The following CPXM2 variants were observed in gnomAD, a reference collection of about 807,000 sequenced individuals.
CPXM2 encodes carboxypeptidase X, M14 family member 2, also known as inactive carboxypeptidase-like protein X2.
Under a neutral mutation model 86.1 loss-of-function variants are expected in CPXM2, and 66 were observed. That is an observed-to-expected ratio of 0.77 (90% confidence interval 0.63 to 0.94). The LOEUF (loss-of-function observed/expected upper bound fraction) is 0.94. Among genes scored for constraint, CPXM2 ranks in the 40% least tolerant of loss-of-function variants. The pLI is 0.00. For synonymous variants in CPXM2, 388 were observed against 400.2 expected, an observed-to-expected ratio of 0.97 and a Z score of 0.36; for missense variants, 948 against 1,026.3, an observed-to-expected ratio of 0.92 and a Z score of 1.04.
At chr10:123,880,693 G>A (rs967232487) in intron 1 of CPXM2, among the ~76,000 whole-genome samples, 3 of 151,748 alleles carry the variant, frequency 2.0e-5, no homozygotes, top group Non-Finnish European at 2.9e-5. Flanking sequence ...GCCAGGCATG[G>A]TGGCGGGCAC....
At chr10:123,863,356 G>A (rs565943589) in intron 2 of CPXM2, among the ~76,000 whole-genome samples, 14 of 152,322 alleles carry the variant, frequency 9.2e-5, no homozygotes, top group Admixed American at 8.5e-4. Context: ...GCGGAGGGGT[G>A]CACACAGTGA....
intron 6 of CPXM2, among the ~76,000 whole-genome samples, chr10:123,789,189 G>A (rs896378734): frequency 3.3e-5 from 5 of 152,172 alleles, no homozygotes; most frequent in East Asian, 1.9e-4. Flanking sequence ...GCAAGGCCAC[G>A]AGAGACCCAG....
chr10:123,830,823 CACA>C (rs1848149699), intron 4 of CPXM2, among the ~76,000 whole-genome samples: 1 of 151,790 alleles, frequency 6.6e-6, no homozygotes, highest in Admixed American at 6.6e-5. Flanking sequence ...CATGGGTGCA[CACA>C]ACACTTGAAA....
At chr10:123,760,801 T>TTCA (rs1010327203) in intron 11 of CPXM2, among the ~76,000 whole-genome samples, 6 of 152,132 alleles carry the variant, frequency 3.9e-5, no homozygotes, top group Admixed American at 3.9e-4. Context: ...CCTCCTCCTC[T>TTCA]TCATCATCAT....
chr10:123,813,743 G>A (rs1258592262), intron 4 of CPXM2, among the ~76,000 whole-genome samples: 1 of 152,188 alleles, frequency 6.6e-6, no homozygotes, highest in Non-Finnish European at 1.5e-5. Flanking sequence ...AATAATTAGA[G>A]ATGAGACTTT....
At chr10:123,789,719 G>A (rs560823010) in intron 6 of CPXM2, among the ~76,000 whole-genome samples, 2 of 152,316 alleles carry the variant, frequency 1.3e-5, no homozygotes, top group South Asian at 4.1e-4. Flanking sequence ...CAAGGGAGGG[G>A]AAGGGGTTCT....
intron 2 of CPXM2, among the ~76,000 whole-genome samples, chr10:123,923,308 C>T (rs924996730): frequency 1.1e-4 from 17 of 151,960 alleles, no homozygotes; most frequent in African/African-American, 3.6e-4. Flanking sequence ...TTGCCGGGCG[C>T]GGTGGCTCAC....
intron 6 of CPXM2, among the ~76,000 whole-genome samples, chr10:123,791,790 G>A (rs1216657953): frequency 2.6e-5 from 4 of 152,228 alleles, no homozygotes; most frequent in African/African-American, 9.6e-5. Context: ...AGATCACATT[G>A]GAGGTTCTGA....
chr10:123,813,247 C>A (rs1472184271), intron 4 of CPXM2, among the ~76,000 whole-genome samples: 1 of 152,224 alleles, frequency 6.6e-6, no homozygotes, highest in Non-Finnish European at 1.5e-5. Context: ...ATTCATCTGG[C>A]ACTTCAGTTT....
chr10:123,914,899 C>T (rs928983386), intron 2 of CPXM2, among the ~76,000 whole-genome samples: 4 of 152,186 alleles, frequency 2.6e-5, no homozygotes, highest in African/African-American at 9.6e-5. Context: ...TGCCTCCTGA[C>T]AATTTGTTCT....
At chr10:123,747,644 C>A (rs957159507) in intron 13 of CPXM2, among the ~76,000 whole-genome samples, 1 of 152,104 alleles carries the variant, frequency 6.6e-6, no homozygotes, top group Admixed American at 6.5e-5. Context: ...GAGGTGGTGC[C>A]CATGCCTCCC....
chr10:123,769,163 A>G (rs1846566324), intron 8 of CPXM2, among the ~76,000 whole-genome samples: 2 of 152,230 alleles, frequency 1.3e-5, no homozygotes, highest in Admixed American at 1.3e-4. Flanking sequence ...GCAGTGACAC[A>G]GTGTAAAGTG....
chr10:123,942,639 A>G (rs1029608325), upstream of CPXM2, among the ~76,000 whole-genome samples: 2 of 152,226 alleles, frequency 1.3e-5, no homozygotes, highest in African/African-American at 4.8e-5. Context: ...TTCCAAGAAA[A>G]CTTGTGAATA....
At chr10:123,817,510 C>T (rs1847837711) in intron 4 of CPXM2, among the ~76,000 whole-genome samples, 1 of 152,176 alleles carries the variant, frequency 6.6e-6, no homozygotes, top group Admixed American at 6.5e-5. Context: ...ACCATGCGAC[C>T]TCAACTGTCT....
At chr10:123,766,032 T>G (rs1846464092) in intron 10 of CPXM2, among the ~76,000 whole-genome samples, 1 of 152,180 alleles carries the variant, frequency 6.6e-6, no homozygotes, top group Non-Finnish European at 1.5e-5. Flanking sequence ...CAGGTGAGAG[T>G]TAAGCAGAAG....
At chr10:123,769,699 G>A (rs1846582053) in intron 8 of CPXM2, 1 of 152,270 alleles carries the variant, frequency 6.6e-6, no homozygotes, top group Non-Finnish European at 1.5e-5. Flanking sequence ...CTCCTGCCAT[G>A]TAAGACAAGA....
At chr10:123,900,018 G>C (rs1176947197) in intron 2 of CPXM2, among the ~76,000 whole-genome samples, 1 of 152,120 alleles carries the variant, frequency 6.6e-6, no homozygotes, top group Non-Finnish European at 1.5e-5. Flanking sequence ...TAACATATTG[G>C]GAGACAATAC....
At chr10:123,796,978 G>A (rs1036770115) in intron 6 of CPXM2, among the ~76,000 whole-genome samples, 9 of 152,216 alleles carry the variant, frequency 5.9e-5, no homozygotes, top group Admixed American at 2.6e-4. Context: ...GGAGATGTGT[G>A]GTCAGGATGA....
chr10:123,820,018 C>G (rs534205041), intron 4 of CPXM2, among the ~76,000 whole-genome samples: 1 of 152,264 alleles, frequency 6.6e-6, no homozygotes, highest in South Asian at 2.1e-4. Flanking sequence ...ACTGGCCTAG[C>G]CTCCCAGCCT....
Sources: allele counts gnomAD v4.1 joint callset (sites outside exome capture counted in the v4.1 genomes callset), GRCh38; gene constraint gnomAD v4.1.1; transcripts MANE v1.5; gene names NCBI Gene and HGNC (gene_info 2026-07-23, HGNC 2026-07-21).